Variants in ANXA4 observed in about 807,000 individuals in gnomAD.
ANXA4 encodes the protein 35-beta calcimedin.
A neutral mutation model predicts 49.8 loss-of-function variants in ANXA4; 39 were observed. The observed-to-expected ratio is 0.78, with a 90% CI of 0.61 to 1.02. The LOEUF (loss-of-function observed/expected upper bound fraction) is 1.02. Ranked by LOEUF, ANXA4 falls within the 50% of genes least tolerant of loss-of-function variation. The pLI is 0.00. For synonymous variants in ANXA4, 134 were observed against 152.5 expected (o/e 0.88, Z 0.89); for missense variants, 360 against 410.1 (o/e 0.88, Z 1.05).
chr2:69,651,489 C>A (rs749554955), intron 1 of ANXA4, among the ~76,000 whole-genome samples: 5 of 151,994 alleles, frequency 3.3e-5, no homozygotes, highest in Non-Finnish European at 2.9e-5. Flanking sequence ...TTTTTAGTAT[C>A]CATTTGTCTT....
intron 2 of ANXA4, among the ~76,000 whole-genome samples, chr2:69,694,354 A>T (rs1030621594): frequency 6.1e-5 from 9 of 148,204 alleles, no homozygotes; most frequent in African/African-American, 2.0e-4. Context: ...AGAACAGTAA[A>T]CAATACATTT....
chr2:69,804,109 G>T (rs537680207), intron 3 of ANXA4, among the ~76,000 whole-genome samples: 2 of 140,724 alleles, frequency 1.4e-5, no homozygotes, highest in African/African-American at 5.5e-5. Flanking sequence ...TTGCACTCCA[G>T]CCTGGGTGAC....
At chr2:69,781,427 G>A (rs886378122) in intron 1 of ANXA4, 93 bp from the exon 2 acceptor site, 17 of 1,033,480 alleles carry the variant, frequency 1.6e-5, no homozygotes, top group Non-Finnish European at 2.4e-5. Flanking sequence ...ATTTCCTCAT[G>A]GCTTAGCTTC....
intron 2 of ANXA4, among the ~76,000 whole-genome samples, chr2:69,705,002 T>C (rs1678443509): frequency 6.6e-6 from 1 of 152,150 alleles, no homozygotes; most frequent in Non-Finnish European, 1.5e-5. Flanking sequence ...TATAGTATCT[T>C]ACTTTAAAAG....
rs1324361971 is a variant in ANXA4 at position 69,826,350 on chromosome 2, C to G, written c.*835C>G. ...AGAAAACTTTTTTGTGCTAAAAATA[C>G]TTTTTAAAATCAATTTTGTTGATTG... On this transcript the variant is annotated 3_prime_UTR_variant, in exon 13 of 13. Transcript: ENST00000394295. The G allele has an allele frequency of 6.6e-6, 1 of 152,610 alleles. No individual in the cohort carries two copies. The highest frequency in any genetic ancestry group is 1.9e-4 in the East Asian group (1 of 5,202). The allele number at this position is 152,610 out of a possible 1,614,324, so 9.5% of individuals were successfully genotyped here. A position where few individuals can be genotyped will look rare whatever the true frequency, so the allele number is the denominator to read the frequency against.
chr2:69,743,867 C>T (rs1008137541), intron 1 of ANXA4, among the ~76,000 whole-genome samples: 9 of 152,170 alleles, frequency 5.9e-5, no homozygotes, highest in African/African-American at 2.2e-4. Context: ...ACAGTCAAGC[C>T]ATGTACCACT....
chr2:69,753,710 G>A (rs1670942099), intron 1 of ANXA4, among the ~76,000 whole-genome samples: 1 of 152,168 alleles, frequency 6.6e-6, no homozygotes, highest in Non-Finnish European at 1.5e-5. Flanking sequence ...ATTCATGGCT[G>A]TTCAAAGGGG....
Position 69,790,505 on chromosome 2 carries a change from A to G in ANXA4, c.97+2364A>G, listed in dbSNP as rs558142123. 3.3e-5 allele frequency among the ~76,000 whole-genome samples: 5 copies of G among 152,304 alleles called. No individual in the cohort carries two copies. In the East Asian group the frequency reaches 7.7e-4, roughly 23 times the overall value. ...GGTTCTAAATATGAGTATTAAGATT[A>G]CTATTATTAATGGGGGCACTATAGG... On this transcript the variant is annotated intron_variant, in intron 3 of 12. Coordinates refer to ENST00000394295, the MANE Select transcript of ANXA4 (RefSeq NM_001153.5).
intron 1 of ANXA4, among the ~76,000 whole-genome samples, chr2:69,649,581 G>T: frequency 1.7e-5 from 2 of 120,534 alleles, no homozygotes; most frequent in East Asian, 2.4e-4. Flanking sequence ...GTATTCTCTT[G>T]TGTGCTTCTT....
chr2:69,799,072 A>G (rs1203681340), intron 3 of ANXA4, among the ~76,000 whole-genome samples: 1 of 152,220 alleles, frequency 6.6e-6, no homozygotes, highest in Non-Finnish European at 1.5e-5. Context: ...GGGATGTCTT[A>G]TCCTCTTAGG....
chr2:69,757,258 ATATATATATTTTTTTTTT>A (rs1671081609), intron 1 of ANXA4, among the ~76,000 whole-genome samples: 3 of 42,874 alleles, frequency 7.0e-5, no homozygotes, highest in African/African-American at 4.0e-4. Flanking sequence ...ATATATATAT[ATATATATATTTTTTTTTT>A]TTTTTTTTTT....
chr2:69,644,165 T>C (rs772304662), upstream of ANXA4, among the ~76,000 whole-genome samples: 81 of 21,124 alleles, frequency 3.8e-3, no homozygotes, highest in Admixed American at 0.022. Flanking sequence ...ACAACTAAGT[T>C]CCCCCCCCCC....
intron 6 of ANXA4, 61 bp downstream of exon 6, chr2:69,808,057 C>A: frequency 6.6e-7 from 1 of 1,505,918 alleles, no homozygotes; most frequent in Non-Finnish European, 9.2e-7. Context: ...ATGAGGGTAG[C>A]AGCGGGTTGT....
chr2:69,780,927 G>T (rs2103660873), intron 1 of ANXA4, among the ~76,000 whole-genome samples: 1 of 152,264 alleles, frequency 6.6e-6, no homozygotes, highest in East Asian at 1.9e-4. Flanking sequence ...GAAAGAGGGG[G>T]TGCTGAAAAC....
At chr2:69,686,523 G>T (rs570135293) in intron 2 of ANXA4, among the ~76,000 whole-genome samples, 2 of 152,228 alleles carry the variant, frequency 1.3e-5, no homozygotes, top group South Asian at 4.1e-4. Context: ...CGTGATCTCA[G>T]CTCACTGCAG....
intron 2 of ANXA4, among the ~76,000 whole-genome samples, chr2:69,672,658 A>G (rs1043039365): frequency 5.9e-5 from 9 of 152,234 alleles, no homozygotes; most frequent in African/African-American, 2.2e-4. Context: ...ACATGTGTAG[A>G]AATAGCATAA....
intron 1 of ANXA4, among the ~76,000 whole-genome samples, chr2:69,776,823 G>A (rs907114077): frequency 6.6e-6 from 1 of 152,210 alleles, no homozygotes; most frequent in South Asian, 2.1e-4. Flanking sequence ...AAGCTGTCCT[G>A]GGCCACATGT....
chr2:69,659,573 T>C (rs1676633978), intron 2 of ANXA4, among the ~76,000 whole-genome samples: 1 of 152,224 alleles, frequency 6.6e-6, no homozygotes, highest in Non-Finnish European at 1.5e-5. Context: ...GTATGGCATG[T>C]GTCAAATACA....
chr2:69,786,843 T>TGAGCCCA (rs1409410237), intron 2 of ANXA4, among the ~76,000 whole-genome samples: 1 of 152,186 alleles, frequency 6.6e-6, no homozygotes, highest in Non-Finnish European at 1.5e-5. Context: ...CACCTCAGCT[T>TGAGCCCA]CCTGAGTAGC....
Sources: gnomAD v4.1 joint callset for allele counts (sites outside exome capture counted in the v4.1 genomes callset) on GRCh38, gnomAD v4.1.1 for gene constraint, MANE v1.5 for transcripts, NCBI Gene and HGNC (gene_info 2026-07-23, HGNC 2026-07-21) for gene names.